Variants in ZFAND3 observed in about 807,000 individuals in gnomAD.
The protein encoded by ZFAND3 is zinc finger AN1-type containing 3.
In ZFAND3, 10 loss-of-function variants were observed where a neutral mutation model predicts 29.6. That is an observed-to-expected ratio of 0.34 (90% CI 0.21 to 0.57). The LOEUF (loss-of-function observed/expected upper bound fraction) is 0.57, where lower values mean the gene tolerates loss of function less well. Ranked by LOEUF, ZFAND3 falls within the 20% of genes least tolerant of loss-of-function variation. The pLI is 0.86. For synonymous variants in ZFAND3, 128 were observed against 112.6 expected, an observed-to-expected ratio of 1.14 and a Z score of -0.87; for missense variants, 230 against 304.5, an observed-to-expected ratio of 0.76 and a Z score of 1.82.
In ZFAND3 at chr6:38,023,653, T is replaced by C. The variant is rs116795607; in HGVS notation, c.113-37940T>C. ...TTTTCATTTTGGCATGAGGAAAATA[T>C]TCAAATGTAAGAGCAGTTTCATACA... is the stretch of plus-strand genomic sequence containing the variant. On this transcript the variant is annotated intron_variant, in intron 2 of 5. Transcript: ENST00000287218. 4.9e-3 allele frequency among the ~76,000 whole-genome samples: 749 copies of C among 152,324 alleles called. 8 individuals are homozygous for C. Among genetic ancestry groups the C allele is most frequent in the African/African-American group, 0.015 (619 of 41,564 alleles).
At chr6:37,895,152 A>T (rs1352750381) in intron 1 of ZFAND3, among the ~76,000 whole-genome samples, 1 of 151,966 alleles carries the variant, frequency 6.6e-6, no homozygotes, top group Non-Finnish European at 1.5e-5. Context: ...AAGCCTTTTA[A>T]AGTTTCCTCA....
At position 38,124,043 on chromosome 6, in the gene ZFAND3, G is replaced by A. The variant is rs555979141; in HGVS notation, c.529+7304G>A. On this transcript the variant is annotated intron_variant, in intron 5 of 5. Coordinates refer to ENST00000287218, the MANE Select transcript of ZFAND3 (RefSeq NM_021943.3). ...TGCTGATGGGTCCATTTTACAGAGC[G>A]CCAGTTGTTTTGACAGGCTGCTGAT... Among the ~76,000 whole-genome samples the A allele has an allele frequency of 1.1e-4, 17 of 152,210 alleles. No homozygotes were observed. In the East Asian group the frequency reaches 1.9e-3, roughly 17 times the overall value.
Position 38,116,307 on chromosome 6 carries a change from AAAC to A in ZFAND3, c.362-257_362-255del, listed in dbSNP as rs552544120. 7.9e-3 allele frequency among the ~76,000 whole-genome samples: 1,198 copies of A among 152,288 alleles called. 8 individuals carry two copies. The highest frequency in any genetic ancestry group is 0.013 in the Non-Finnish European group (869 of 68,014). ...CTCATAGAATCTCAGCTCTTTTTAA[AAAC>A]AACAACATAGAACTGGTTTTTGTTG... On this transcript the variant is annotated intron_variant, in intron 4 of 5. Transcript: ENST00000287218.
chr6:37,988,372 A>G (rs956517087), intron 2 of ZFAND3, among the ~76,000 whole-genome samples: 8 of 152,188 alleles, frequency 5.3e-5, no homozygotes, highest in Non-Finnish European at 7.3e-5. Flanking sequence ...ACTCCTGCCA[A>G]ACTTTGTCCT....
intron 1 of ZFAND3, among the ~76,000 whole-genome samples, chr6:37,879,074 G>C (rs1182054982): frequency 2.0e-5 from 3 of 152,212 alleles, no homozygotes; most frequent in Non-Finnish European, 2.9e-5. Flanking sequence ...CCCGTATGTA[G>C]TTGAGTATTA....
chr6:38,061,527 C>G, intron 2 of ZFAND3, 66 bp from the exon 3 acceptor site: 5 of 1,575,738 alleles, frequency 3.2e-6, no homozygotes, highest in Non-Finnish European at 3.5e-6. Flanking sequence ...GTACCAACTT[C>G]CATTGTTTTC....
chr6:37,994,705 T>C (rs958374829), intron 2 of ZFAND3, among the ~76,000 whole-genome samples: 3 of 152,232 alleles, frequency 2.0e-5, no homozygotes, highest in African/African-American at 7.2e-5. Context: ...TAGTTACAAC[T>C]CTGGCTGGAT....
intron 1 of ZFAND3, among the ~76,000 whole-genome samples, chr6:37,820,414 C>T (rs1763643580): frequency 6.6e-6 from 1 of 152,216 alleles, no homozygotes; most frequent in Admixed American, 6.5e-5. Flanking sequence ...AGTTGGTGCC[C>T]AGGCACTAGG....
At chr6:37,900,208 T>G (rs1581746048) in intron 1 of ZFAND3, among the ~76,000 whole-genome samples, 1 of 152,272 alleles carries the variant, frequency 6.6e-6, no homozygotes, top group East Asian at 1.9e-4. Context: ...GCAATACAAG[T>G]TTTTCTGCGT....
At chr6:37,912,886 T>C (rs1266817967) in intron 1 of ZFAND3, among the ~76,000 whole-genome samples, 1 of 152,230 alleles carries the variant, frequency 6.6e-6, no homozygotes, top group Admixed American at 6.5e-5. Context: ...TTTTTGTTCC[T>C]GACCACCACA....
At chr6:37,935,400 TTAAA>T (rs1267691907) in intron 2 of ZFAND3, among the ~76,000 whole-genome samples, 21 of 152,276 alleles carry the variant, frequency 1.4e-4, no homozygotes, top group African/African-American at 2.4e-4. Flanking sequence ...ATGATTTTAC[TTAAA>T]TAAGTAAATG....
chr6:37,826,411 A>G (rs1763761639), intron 1 of ZFAND3, among the ~76,000 whole-genome samples: 1 of 152,164 alleles, frequency 6.6e-6, no homozygotes, highest in African/African-American at 2.4e-5. Context: ...TAAACATAAG[A>G]CATTTCCTGT....
At chr6:37,937,054 G>A (rs923171103) in intron 2 of ZFAND3, among the ~76,000 whole-genome samples, 8 of 152,158 alleles carry the variant, frequency 5.3e-5, no homozygotes, top group African/African-American at 1.9e-4. Flanking sequence ...CTTAGTGGTT[G>A]CAGTTACATA....
intron 2 of ZFAND3, among the ~76,000 whole-genome samples, chr6:37,984,078 G>GAGT (rs1209985641): frequency 6.6e-6 from 1 of 152,154 alleles, no homozygotes; most frequent in Non-Finnish European, 1.5e-5. Flanking sequence ...TATAATTGAT[G>GAGT]AGTAGTGGTA....
At chr6:38,049,209 G>A (rs1254348438) in intron 2 of ZFAND3, among the ~76,000 whole-genome samples, 11 of 152,112 alleles carry the variant, frequency 7.2e-5, no homozygotes, top group African/African-American at 9.7e-5. Flanking sequence ...CAAAGACTTC[G>A]CTATAATTCA....
chr6:37,899,247 A>G (rs1490949721), intron 1 of ZFAND3, among the ~76,000 whole-genome samples: 1 of 152,134 alleles, frequency 6.6e-6, no homozygotes, highest in Non-Finnish European at 1.5e-5. Context: ...TGATGTTGGC[A>G]CCACTAATCT....
At chr6:38,004,969 A>G (rs993707785) in intron 2 of ZFAND3, among the ~76,000 whole-genome samples, 6 of 152,188 alleles carry the variant, frequency 3.9e-5, no homozygotes, top group African/African-American at 1.4e-4. Context: ...TTCTGATTCT[A>G]AAAGTTGGTG....
intron 2 of ZFAND3, among the ~76,000 whole-genome samples, chr6:37,951,056 A>G (rs954640348): frequency 2.0e-5 from 3 of 152,008 alleles, no homozygotes; most frequent in Non-Finnish European, 4.4e-5. Flanking sequence ...GCAGTGTTTT[A>G]TAATTCTTGT....
chr6:37,835,782 G>A (rs1435118384), intron 1 of ZFAND3, among the ~76,000 whole-genome samples: 2 of 151,792 alleles, frequency 1.3e-5, no homozygotes, highest in Admixed American at 6.6e-5. Context: ...ACACTATTCC[G>A]GAACCACCTC....
Sources: gnomAD v4.1 joint callset for allele counts (sites outside exome capture counted in the v4.1 genomes callset) on GRCh38, gnomAD v4.1.1 for gene constraint, MANE v1.5 for transcripts, NCBI Gene and HGNC (gene_info 2026-07-23, HGNC 2026-07-21) for gene names.